DGKB: variants seen among roughly 807,000 people sequenced by gnomAD.
DGKB encodes diacylglycerol kinase beta.
DGKB carries 67 observed loss-of-function variants against 114.3 expected under a neutral mutation model. The observed-to-expected ratio is 0.59, with a 90% CI of 0.48 to 0.72. The LOEUF is 0.72. Among genes scored for constraint, DGKB ranks in the 30% least tolerant of loss-of-function variants. The pLI is 0.00. For missense variants in DGKB, 907 were observed against 975.2 expected, an observed-to-expected ratio of 0.93 and a Z score of 0.93; for synonymous variants, 398 against 323.1, an observed-to-expected ratio of 1.23 and a Z score of -2.49.
chr7:14,932,447 G>A (rs1785069313), intron 1 of DGKB, among the ~76,000 whole-genome samples: 1 of 152,222 alleles, frequency 6.6e-6, no homozygotes, highest in South Asian at 2.1e-4. Context: ...AATAAAGACT[G>A]TTTATCTTTA....
intron 23 of DGKB, among the ~76,000 whole-genome samples, chr7:14,311,187 C>A (rs1017326515): frequency 6.6e-6 from 1 of 152,068 alleles, no homozygotes; most frequent in Non-Finnish European, 1.5e-5. Context: ...CAAACTGATT[C>A]CATACTCCTA....
At chr7:14,746,329 A>C (rs1369697052) in intron 4 of DGKB, among the ~76,000 whole-genome samples, 1 of 152,142 alleles carries the variant, frequency 6.6e-6, no homozygotes, top group Non-Finnish European at 1.5e-5. Flanking sequence ...GTGAGACTCC[A>C]TATACAAAAA....
At chr7:14,871,402 G>T (rs1852434101) in intron 1 of DGKB, among the ~76,000 whole-genome samples, 1 of 152,110 alleles carries the variant, frequency 6.6e-6, no homozygotes, top group Non-Finnish European at 1.5e-5. Context: ...TGACGGGAAA[G>T]GGGAGATGCT....
At chr7:14,668,059 A>G (rs1818345141) in intron 13 of DGKB, among the ~76,000 whole-genome samples, 1 of 152,084 alleles carries the variant, frequency 6.6e-6, no homozygotes, top group Admixed American at 6.6e-5. Flanking sequence ...AGTGTTTGGG[A>G]TTCAAATAGG....
intron 21 of DGKB, 124 bp downstream of exon 21, chr7:14,478,037 C>T: frequency 1.8e-6 from 1 of 544,074 alleles, no homozygotes; most frequent in Non-Finnish European, 3.2e-6. Context: ...CACACACACA[C>T]ACACACACGC....
At chr7:14,578,419 G>A (rs557111459) in intron 19 of DGKB, among the ~76,000 whole-genome samples, 1 of 152,272 alleles carries the variant, frequency 6.6e-6, no homozygotes, top group East Asian at 1.9e-4. Context: ...GCACACAATT[G>A]TTAAGTAACT....
intron 17 of DGKB, among the ~76,000 whole-genome samples, chr7:14,598,929 G>A (rs1268118754): frequency 6.6e-6 from 1 of 152,108 alleles, no homozygotes; most frequent in Non-Finnish European, 1.5e-5. Context: ...AACTCTCAGG[G>A]AGCTGTGAGG....
chr7:14,535,944 AAG>A (rs1420054393), intron 20 of DGKB, among the ~76,000 whole-genome samples: 1 of 152,044 alleles, frequency 6.6e-6, no homozygotes, highest in South Asian at 2.1e-4. Flanking sequence ...CTAAGAAAAA[AAG>A]AGAGAAGACC....
chr7:14,451,403 G>C (rs28526176), intron 21 of DGKB, among the ~76,000 whole-genome samples: 26,784 of 151,922 alleles, frequency 0.18, 3,124 homozygotes, highest in East Asian at 0.32. Flanking sequence ...CCGTTACCCT[G>C]TCCTACTTCT....
chr7:14,699,441 T>C (rs184632971), intron 7 of DGKB, among the ~76,000 whole-genome samples: 2 of 152,296 alleles, frequency 1.3e-5, no homozygotes, highest in Non-Finnish European at 1.5e-5. Context: ...TAAGACTCAG[T>C]TTTCTCGTTG....
chr7:14,903,588 T>G (rs1208688782), upstream of DGKB, among the ~76,000 whole-genome samples: 1 of 152,154 alleles, frequency 6.6e-6, no homozygotes. Flanking sequence ...CCGAAGCCAC[T>G]TCTACCAATT....
intron 23 of DGKB, among the ~76,000 whole-genome samples, chr7:14,248,017 A>AT (rs921323917): frequency 2.8e-4 from 42 of 151,852 alleles, no homozygotes; most frequent in African/African-American, 8.2e-4. Context: ...TTTTAGGTTG[A>AT]TTTTTTTTAT....
At chr7:14,217,328 G>C (rs1789147618) in intron 23 of DGKB, among the ~76,000 whole-genome samples, 1 of 151,812 alleles carries the variant, frequency 6.6e-6, no homozygotes, top group South Asian at 2.1e-4. Flanking sequence ...TTAATGTTTG[G>C]ATTTTTGTTT....
chr7:14,636,172 C>T (rs935794206), intron 13 of DGKB, among the ~76,000 whole-genome samples: 1 of 151,658 alleles, frequency 6.6e-6, no homozygotes, highest in African/African-American at 2.4e-5. Context: ...AAATTTTACA[C>T]TGACTGCCAG....
At chr7:14,954,717 A>G (rs1786401356) in intron 1 of DGKB, among the ~76,000 whole-genome samples, 1 of 152,016 alleles carries the variant, frequency 6.6e-6, no homozygotes, top group African/African-American at 2.4e-5. Context: ...AAGGTGAAAG[A>G]AAAGGAGATA....
chr7:14,155,317 G>A (rs933112659), intron 25 of DGKB, among the ~76,000 whole-genome samples: 1 of 152,052 alleles, frequency 6.6e-6, no homozygotes, highest in African/African-American at 2.4e-5. Flanking sequence ...AGGATTGCAA[G>A]TTGAATAGAT....
intron 1 of DGKB, among the ~76,000 whole-genome samples, chr7:14,855,464 T>C (rs552618005): frequency 2.2e-4 from 33 of 152,300 alleles, no homozygotes; most frequent in African/African-American, 7.9e-4. Context: ...CATAAACCTG[T>C]ATTTGCATTG....
At chr7:14,429,508 A>C (rs1370866729) in intron 21 of DGKB, among the ~76,000 whole-genome samples, 4 of 152,346 alleles carry the variant, frequency 2.6e-5, no homozygotes, top group African/African-American at 7.2e-5. Flanking sequence ...CTCTGAGCTA[A>C]GACATTCATG....
At chr7:14,426,506 C>A (rs1827550562) in intron 21 of DGKB, among the ~76,000 whole-genome samples, 1 of 152,194 alleles carries the variant, frequency 6.6e-6, no homozygotes, top group South Asian at 2.1e-4. Context: ...GGGGGTACAG[C>A]TGGAAATAAC....
Sources: allele counts gnomAD v4.1 joint callset (sites outside exome capture counted in the v4.1 genomes callset), GRCh38; gene constraint gnomAD v4.1.1; transcripts MANE v1.5; gene names NCBI Gene and HGNC (gene_info 2026-07-23, HGNC 2026-07-21).